The following RYR2 variants were observed in gnomAD, a reference collection of about 807,000 sequenced individuals.
The protein encoded by RYR2 is ryanodine receptor 2, also known as cardiac muscle ryanodine receptor-calcium release channel.
A neutral mutation model predicts 601.1 loss-of-function variants in RYR2; 227 were observed. That is an observed-to-expected ratio of 0.38 (90% CI 0.34 to 0.42). RYR2 has a LOEUF of 0.42. Ranked by LOEUF, RYR2 falls within the 10% of genes least tolerant of loss-of-function variation. The probability of loss-of-function intolerance (pLI) is 1.00; values close to 1 mark genes in which losing one functional copy is unlikely to be tolerated. For synonymous variants in RYR2, 2,223 were observed against 2,175.1 expected, an observed-to-expected ratio of 1.02 and a Z score of -0.61; for missense variants, 4,646 against 6,156.5, an observed-to-expected ratio of 0.75 and a Z score of 8.21.
chr1:237,660,813 AAAG>A lies in RYR2; in HGVS notation c.8305_8307del (p.Glu2769del). 6.5e-7 allele frequency: 1 copy of A among 1,540,986 alleles called. No homozygotes were observed. Among genetic ancestry groups the A allele is most frequent in the Non-Finnish European group, 8.8e-7 (1 of 1,140,714 alleles). On this transcript the variant is annotated inframe_deletion, in exon 56 of 105. Transcript: ENST00000366574. ...TTTCTTGTTTTTTCTTCTCTAGGAA[AAAG>A]AAATTTATCGCTGGCCAATCAAAGA... is the stretch of plus-strand genomic sequence containing the variant.
chr1:237,195,275 T>G (rs1680424394), intron 1 of RYR2, among the ~76,000 whole-genome samples: 1 of 152,148 alleles, frequency 6.6e-6, no homozygotes, highest in African/African-American at 2.4e-5. Context: ...CACTTAGCAA[T>G]AACCAGTCGC....
intron 1 of RYR2, among the ~76,000 whole-genome samples, chr1:237,168,020 C>A (rs1007650511): frequency 1.3e-5 from 2 of 152,310 alleles, no homozygotes; most frequent in Admixed American, 6.5e-5. Flanking sequence ...ACAATTCCTT[C>A]TTTTCCTGGA....
chr1:237,270,706 A>C (rs1230855686), intron 2 of RYR2, 90 bp downstream of exon 2: 7 of 1,354,704 alleles, frequency 5.2e-6, no homozygotes, highest in Non-Finnish European at 7.2e-6. Context: ...TTTTCTGTGG[A>C]ATACATACTA....
At chr1:237,709,413 G>A in intron 69 of RYR2, 67 bp from the exon 70 acceptor site, 1 of 877,550 alleles carries the variant, frequency 1.1e-6, no homozygotes, top group Non-Finnish European at 1.7e-6. Flanking sequence ...TTGGGGGGAT[G>A]GTTTTTTTTT....
intron 34 of RYR2, among the ~76,000 whole-genome samples, chr1:237,596,738 A>G (rs557786251): frequency 3.9e-5 from 6 of 152,334 alleles, no homozygotes; most frequent in Admixed American, 3.9e-4. Flanking sequence ...ATATCAAAGA[A>G]AAAGAATCCT....
intron 2 of RYR2, among the ~76,000 whole-genome samples, chr1:237,285,012 G>A (rs920349257): frequency 3.3e-5 from 5 of 152,058 alleles, no homozygotes; most frequent in Non-Finnish European, 5.9e-5. Flanking sequence ...TGATTTGGAT[G>A]CCCTTTATTT....
chr1:237,262,337 C>A (rs1197875171), intron 1 of RYR2, among the ~76,000 whole-genome samples: 2 of 141,472 alleles, frequency 1.4e-5, no homozygotes, highest in Non-Finnish European at 3.0e-5. Flanking sequence ...CTCACTGCAA[C>A]CTCCGCCTCC....
intron 2 of RYR2, among the ~76,000 whole-genome samples, chr1:237,284,775 T>C (rs557121694): frequency 6.6e-6 from 1 of 151,856 alleles, no homozygotes; most frequent in African/African-American, 2.4e-5. Flanking sequence ...ATTATTATTA[T>C]TATTTTCTGC....
chr1:237,088,552 A>AG (rs529255346), intron 1 of RYR2, among the ~76,000 whole-genome samples: 20 of 152,322 alleles, frequency 1.3e-4, no homozygotes, highest in African/African-American at 4.6e-4. Flanking sequence ...AACAAAAGCC[A>AG]GGGGCATTGG....
chr1:237,483,683 T>C (rs1229868186), intron 17 of RYR2, among the ~76,000 whole-genome samples: 1 of 152,226 alleles, frequency 6.6e-6, no homozygotes, highest in Non-Finnish European at 1.5e-5. Flanking sequence ...CAAATGTCGT[T>C]CATGTTCTGT....
intron 79 of RYR2, among the ~76,000 whole-genome samples, chr1:237,740,559 TATCATTATA>T (rs1691520082): frequency 6.6e-6 from 1 of 152,190 alleles, no homozygotes; most frequent in South Asian, 2.1e-4. Context: ...CTTAAAAACA[TATCATTATA>T]ATCCCAAATA....
intron 79 of RYR2, among the ~76,000 whole-genome samples, chr1:237,739,926 C>T (rs1273701178): frequency 6.6e-6 from 1 of 152,184 alleles, no homozygotes; most frequent in African/African-American, 2.4e-5. Flanking sequence ...GTTGTGGATA[C>T]CTGAATGATC....
intron 1 of RYR2, among the ~76,000 whole-genome samples, chr1:237,110,306 G>C (rs1669311933): frequency 6.6e-6 from 1 of 151,644 alleles, no homozygotes; most frequent in South Asian, 2.1e-4. Context: ...GGGTACATGT[G>C]CACAATGTGC....
chr1:237,492,868 G>GAAGGAAGA (rs1399533591), intron 18 of RYR2, 86 bp from the exon 19 acceptor site: 9 of 1,315,978 alleles, frequency 6.8e-6, no homozygotes, highest in African/African-American at 6.6e-5. Flanking sequence ...AGGAAGGAAG[G>GAAGGAAGA]AAGAAGGGAA....
chr1:237,759,333 A>G (rs1693220987), intron 82 of RYR2, among the ~76,000 whole-genome samples: 4 of 151,972 alleles, frequency 2.6e-5, no homozygotes. Context: ...TGATTTGCCC[A>G]CCTCAGCCTC....
At chr1:237,328,329 G>A (rs1696362568) in intron 2 of RYR2, among the ~76,000 whole-genome samples, 1 of 152,120 alleles carries the variant, frequency 6.6e-6, no homozygotes, top group South Asian at 2.1e-4. Context: ...AATTAGTATG[G>A]TTAGAACTTT....
chr1:237,070,188 G>A lies in RYR2; in HGVS notation c.48+27619G>A, dbSNP rs1267883126. Among the ~76,000 whole-genome samples the A allele has an allele frequency of 2.6e-5, 4 of 152,056 alleles. No homozygotes were observed. The East Asian group carries it at 7.8e-4, about 30-fold the overall frequency. On this transcript the variant is annotated intron_variant, in intron 1 of 104. Transcript: ENST00000366574. ...TGGGACTACAGGTGTGAGCCACCAT[G>A]CCTGGACTGTGTTTAACTTTTTACC...
chr1:237,189,743 G>C (rs896271486), intron 1 of RYR2, among the ~76,000 whole-genome samples: 4 of 152,168 alleles, frequency 2.6e-5, no homozygotes, highest in Admixed American at 1.3e-4. Flanking sequence ...AATGTGTGTT[G>C]TGTGTAAGCC....
intron 26 of RYR2, among the ~76,000 whole-genome samples, chr1:237,549,968 C>T (rs1024824180): frequency 6.6e-6 from 1 of 152,172 alleles, no homozygotes; most frequent in Admixed American, 6.5e-5. Flanking sequence ...AACATTGGAG[C>T]CTCTCGTACA....
Sources: gnomAD v4.1 joint callset for allele counts (sites outside exome capture counted in the v4.1 genomes callset) on GRCh38, gnomAD v4.1.1 for gene constraint, MANE v1.5 for transcripts, NCBI Gene and HGNC (gene_info 2026-07-23, HGNC 2026-07-21) for gene names.